WDR72: variants seen among roughly 807,000 people sequenced by gnomAD.
The protein encoded by WDR72 is WD repeat domain 72.
Under a neutral mutation model 124.2 loss-of-function variants are expected in WDR72, and 120 were observed. That is an observed-to-expected ratio of 0.97 (90% CI 0.83 to 1.12). WDR72 has a LOEUF of 1.12. Among genes scored for constraint, WDR72 ranks in the 50% most tolerant of loss-of-function variants. The pLI is 0.00. For missense variants in WDR72, 1,387 were observed against 1,278.8 expected (o/e 1.08, Z -1.29); for synonymous variants, 452 against 441.7 (o/e 1.02, Z -0.29).
intron 13 of WDR72, among the ~76,000 whole-genome samples, chr15:53,688,461 C>T (rs1427481430): frequency 2.0e-5 from 3 of 151,468 alleles, no homozygotes; most frequent in African/African-American, 7.3e-5. Flanking sequence ...CTCCCATTCA[C>T]AATTGCTTCA....
intron 18 of WDR72, among the ~76,000 whole-genome samples, chr15:53,579,355 C>T (rs112415211): frequency 5.9e-4 from 89 of 152,064 alleles, no homozygotes; most frequent in Non-Finnish European, 1.9e-4. Flanking sequence ...CGGAAACCTA[C>T]AAAGAAGGGA....
chr15:53,560,145 T>C (rs1346516591), intron 18 of WDR72, among the ~76,000 whole-genome samples: 1 of 151,884 alleles, frequency 6.6e-6, no homozygotes, highest in African/African-American at 2.4e-5. Context: ...TTGATTGATA[T>C]AGCTAGATGA....
chr15:53,751,578 T>C (rs1272076174), intron 1 of WDR72, among the ~76,000 whole-genome samples: 2 of 152,222 alleles, frequency 1.3e-5, no homozygotes, highest in Non-Finnish European at 2.9e-5. Context: ...CAATATTCAC[T>C]TTATTAGAGA....
chr15:53,532,235 G>T (rs1892521379), intron 18 of WDR72, among the ~76,000 whole-genome samples: 1 of 152,082 alleles, frequency 6.6e-6, no homozygotes, highest in Non-Finnish European at 1.5e-5. Context: ...ACAGTATGGA[G>T]GTTTCTCAAA....
At chr15:53,629,073 G>A (rs1350170645) in intron 14 of WDR72, among the ~76,000 whole-genome samples, 4 of 152,006 alleles carry the variant, frequency 2.6e-5, no homozygotes, top group African/African-American at 4.8e-5. Flanking sequence ...TCACTGATTA[G>A]ACAGACATAC....
chr15:53,665,681 G>A lies in WDR72; in HGVS notation c.1853C>T (p.Pro618Leu), dbSNP rs770310635. The A allele has an allele frequency of 1.1e-5, 18 of 1,613,866 alleles. No homozygotes were observed. The Admixed American group carries it at 1.2e-4, about 10-fold the overall frequency. The change falls in exon 14 of 20, where the codon CCC becomes CTC. Residue 618 changes from proline (P) to leucine (L), a missense_variant. Pro to Leu is a moderately conservative substitution (Grantham distance 98). Coordinates refer to ENST00000360509, the MANE Select transcript of WDR72 (RefSeq NM_182758.4). ...GTGCTTAAGTGTCTCTGAGGCAATG[G>A]GAAGTACAGACTTCACAAGCTGTGA... ...DDSQLVKSVL[P>L]IASETLKHKS...
intron 1 of WDR72, among the ~76,000 whole-genome samples, chr15:53,750,502 A>T (rs1284443473): frequency 6.6e-6 from 1 of 152,218 alleles, no homozygotes; most frequent in Non-Finnish European, 1.5e-5. Context: ...TTGCTAACAT[A>T]ATATCCATTC....
At chr15:53,570,364 G>A (rs538633883) in intron 18 of WDR72, among the ~76,000 whole-genome samples, 29 of 151,142 alleles carry the variant, frequency 1.9e-4, no homozygotes, top group African/African-American at 7.0e-4. Context: ...CTGTACAATA[G>A]GTACCTGGAG....
intron 18 of WDR72, among the ~76,000 whole-genome samples, chr15:53,588,004 G>T (rs1860154377): frequency 6.6e-6 from 1 of 151,934 alleles, no homozygotes; most frequent in Admixed American, 6.6e-5. Context: ...TGGTTCTCTA[G>T]ACAGATATAT....
At chr15:53,736,161 G>A (rs1291585188) in intron 1 of WDR72, among the ~76,000 whole-genome samples, 1 of 152,082 alleles carries the variant, frequency 6.6e-6, no homozygotes, top group Admixed American at 6.6e-5. Flanking sequence ...TCTAATATAA[G>A]CTCCAAAAAT....
chr15:53,735,591 A>C (rs1234528117), intron 1 of WDR72, among the ~76,000 whole-genome samples: 1 of 152,208 alleles, frequency 6.6e-6, no homozygotes, highest in Non-Finnish European at 1.5e-5. Flanking sequence ...TGTCAATTAT[A>C]CTTCAATAAA....
At chr15:53,738,682 C>A (rs1419599658) in intron 1 of WDR72, among the ~76,000 whole-genome samples, 1 of 152,136 alleles carries the variant, frequency 6.6e-6, no homozygotes, top group Non-Finnish European at 1.5e-5. Context: ...CTGCAACCTC[C>A]ACTCCCGGGT....
chr15:53,625,392 T>C (rs1440223666), intron 14 of WDR72, among the ~76,000 whole-genome samples: 1 of 152,234 alleles, frequency 6.6e-6, no homozygotes, highest in Non-Finnish European at 1.5e-5. Flanking sequence ...CTTTTACTAC[T>C]ACTCTCTGAA....
At chr15:53,626,511 A>G (rs1029945387) in intron 14 of WDR72, among the ~76,000 whole-genome samples, 1 of 152,218 alleles carries the variant, frequency 6.6e-6, no homozygotes, top group Non-Finnish European at 1.5e-5. Flanking sequence ...CTCCAGCCGT[A>G]ACAAACACGG....
chr15:53,685,753 T>A (rs1175028638), intron 13 of WDR72, among the ~76,000 whole-genome samples: 2 of 148,964 alleles, frequency 1.3e-5, no homozygotes, highest in African/African-American at 5.0e-5. Context: ...CCAAGACACA[T>A]AATTGTCAGA....
intron 17 of WDR72, among the ~76,000 whole-genome samples, chr15:53,600,951 T>A (rs1314572424): frequency 6.6e-6 from 1 of 152,190 alleles, no homozygotes; most frequent in African/African-American, 2.4e-5. Flanking sequence ...AAACAGACAA[T>A]CTCTAGACAA....
At chr15:53,752,108 C>A (rs2018789432) in intron 1 of WDR72, among the ~76,000 whole-genome samples, 1 of 152,058 alleles carries the variant, frequency 6.6e-6, no homozygotes, top group East Asian at 1.9e-4. Flanking sequence ...CAGTAGATCC[C>A]ATCTATTAAG....
chr15:53,575,307 C>T (rs1304227741), intron 18 of WDR72, among the ~76,000 whole-genome samples: 2 of 152,126 alleles, frequency 1.3e-5, no homozygotes, highest in Non-Finnish European at 2.9e-5. Flanking sequence ...TTTTACATTA[C>T]ACCAAGGAGA....
chr15:53,680,289 C>A (rs1206726125), intron 13 of WDR72, among the ~76,000 whole-genome samples: 1 of 152,152 alleles, frequency 6.6e-6, no homozygotes. Context: ...ATTGTTTTAT[C>A]TATGCCCTCT....
Sources: allele counts gnomAD v4.1 joint callset (sites outside exome capture counted in the v4.1 genomes callset), GRCh38; gene constraint gnomAD v4.1.1; transcripts MANE v1.5; gene names NCBI Gene and HGNC (gene_info 2026-07-23, HGNC 2026-07-21).